The following WWC2 variants were observed in gnomAD, a reference collection of about 807,000 sequenced individuals.
The protein encoded by WWC2 is WW and C2 domain containing 2, also known as protein WWC2.
WWC2 carries 101 observed loss-of-function variants against 138.5 expected under a neutral mutation model. The observed-to-expected ratio is 0.73, with a 90% CI of 0.62 to 0.86. The LOEUF (loss-of-function observed/expected upper bound fraction) is 0.86. WWC2 is among the 40% of genes least tolerant of loss of function. The pLI is 0.00. For missense variants in WWC2, 1,420 were observed against 1,419.4 expected (o/e 1.00, Z -0.01); for synonymous variants, 558 against 538.4 (o/e 1.04, Z -0.50).
intron 14 of WWC2, among the ~76,000 whole-genome samples, chr4:183,266,786 A>T (rs1171311570): frequency 1.3e-5 from 2 of 152,222 alleles, no homozygotes; most frequent in Non-Finnish European, 2.9e-5. Flanking sequence ...AGAGCTGTTG[A>T]GGGGTGATCC....
chr4:183,314,486 G>A (rs954645470), intron 22 of WWC2, among the ~76,000 whole-genome samples: 1 of 152,218 alleles, frequency 6.6e-6, no homozygotes, highest in Non-Finnish European at 1.5e-5. Context: ...CGTGGGATTT[G>A]CACGGCTACC....
Position 183,171,862 on chromosome 4 carries a change from C to G in WWC2, c.132-21737C>G, listed in dbSNP as rs369114222. ...CTTCCCGCCCTGGTTGAGGATTCAG[C>G]TTTCTTACTGTGCCTTCCTCATGCA... is the stretch of plus-strand genomic sequence containing the variant. On this transcript the variant is annotated intron_variant, in intron 1 of 22. Transcript: ENST00000403733. Among the ~76,000 whole-genome samples, 3 of 152,162 alleles carry G rather than the reference C, an allele frequency of 2.0e-5. No homozygotes were observed. In the South Asian group the frequency reaches 6.2e-4, roughly 31 times the overall value.
intron 9 of WWC2, among the ~76,000 whole-genome samples, chr4:183,254,525 A>G (rs1249089223): frequency 2.0e-5 from 3 of 152,302 alleles, no homozygotes; most frequent in South Asian, 2.1e-4. Flanking sequence ...ACTCTAGGCA[A>G]TTTTCCCATC....
At chr4:183,264,947 C>T (rs553195280) in intron 11 of WWC2, 31 bp from the exon 12 acceptor site, 1 of 1,591,218 alleles carries the variant, frequency 6.3e-7, no homozygotes, top group South Asian at 1.2e-5. Context: ...ATAAGACATT[C>T]TGATTAGTGC....
Position 183,240,234 on chromosome 4 carries a change from A to G in WWC2, c.574A>G (p.Lys192Glu), listed in dbSNP as rs1052411834. Residue 192 changes from lysine to glutamate, a missense_variant, in exon 5 of 23, where the codon AAA becomes GAA. Transcript: ENST00000403733. ...ACAGATGAAGCAGGAACTGCTCTAT[A>G]AAGAACAAGGCTTTGAAACATTGCA... is the stretch of plus-strand genomic sequence containing the variant. ...LSQMKQELLY[K>E]EQGFETLQQI... 1.3e-6 allele frequency: 2 copies of G among 1,553,080 alleles called. No homozygotes were observed. The highest frequency in any genetic ancestry group is 1.2e-5 in the South Asian group (1 of 83,552).
At chr4:183,173,541 C>A (rs916570848) in intron 1 of WWC2, among the ~76,000 whole-genome samples, 2 of 151,990 alleles carry the variant, frequency 1.3e-5, no homozygotes, top group Non-Finnish European at 2.9e-5. Context: ...ACCATTCTGG[C>A]TCTTCACTCC....
chr4:183,181,917 T>C (rs1295608489), intron 1 of WWC2, among the ~76,000 whole-genome samples: 1 of 152,232 alleles, frequency 6.6e-6, no homozygotes, highest in African/African-American at 2.4e-5. Context: ...ATAATGAGAA[T>C]CTATTAACTG....
chr4:183,227,203 C>T (rs1343142323), intron 4 of WWC2, among the ~76,000 whole-genome samples: 1 of 152,018 alleles, frequency 6.6e-6, no homozygotes, highest in African/African-American at 2.4e-5. Flanking sequence ...GGAAAAAAAA[C>T]ATTGGGACCG....
chr4:183,113,531 C>T (rs563306859), intron 1 of WWC2, among the ~76,000 whole-genome samples: 78 of 148,642 alleles, frequency 5.2e-4, no homozygotes, highest in African/African-American at 1.5e-3. Flanking sequence ...CGCGTGCGCG[C>T]GCACATGCAC....
At chr4:183,125,421 T>A (rs999267673) in intron 1 of WWC2, among the ~76,000 whole-genome samples, 16 of 152,242 alleles carry the variant, frequency 1.1e-4, no homozygotes, top group Admixed American at 8.5e-4. Context: ...AAAATGAATG[T>A]TAAAAAGTTT....
At chr4:183,200,195 TATC>T (rs1042054735) in intron 2 of WWC2, among the ~76,000 whole-genome samples, 34 of 148,926 alleles carry the variant, frequency 2.3e-4, no homozygotes, top group African/African-American at 8.1e-4. Context: ...GATAGTTTAT[TATC>T]ATCATCATTA....
chr4:183,134,136 GTC>G (rs1733035945), intron 1 of WWC2, among the ~76,000 whole-genome samples: 1 of 151,620 alleles, frequency 6.6e-6, no homozygotes, highest in African/African-American at 2.4e-5. Flanking sequence ...AACATCTGTT[GTC>G]TCTCTTGCTT....
chr4:183,153,007 T>C, intron 1 of WWC2, among the ~76,000 whole-genome samples: 2 of 152,166 alleles, frequency 1.3e-5, no homozygotes, highest in African/African-American at 2.4e-5. Context: ...GTGATCCTCC[T>C]GTCTCAGCCT....
At chr4:183,248,573 T>G in intron 6 of WWC2, 141 bp from the exon 7 acceptor site, 1 of 799,542 alleles carries the variant, frequency 1.3e-6, no homozygotes. Context: ...TTTTTTCAAT[T>G]ATATAAAATG....
At chr4:183,255,159 A>G (rs1026172941) in intron 9 of WWC2, among the ~76,000 whole-genome samples, 1 of 152,198 alleles carries the variant, frequency 6.6e-6, no homozygotes, top group African/African-American at 2.4e-5. Flanking sequence ...CCTCTGAACT[A>G]TAATCTTCTG....
At chr4:183,141,884 T>C (rs1038327591) in intron 1 of WWC2, among the ~76,000 whole-genome samples, 3 of 152,230 alleles carry the variant, frequency 2.0e-5, no homozygotes, top group South Asian at 2.1e-4. Context: ...CTTGTAGCCA[T>C]GAATACTACA....
chr4:183,168,872 G>T (rs1186996582), intron 1 of WWC2, among the ~76,000 whole-genome samples: 7 of 151,664 alleles, frequency 4.6e-5, no homozygotes, highest in Non-Finnish European at 7.4e-5. Flanking sequence ...TTTTGAGACA[G>T]AGTTTCACTC....
chr4:183,168,570 T>C (rs1389749100), intron 1 of WWC2, among the ~76,000 whole-genome samples: 1 of 152,126 alleles, frequency 6.6e-6, no homozygotes. Context: ...ACCTTTCCTA[T>C]AGAGCTTTAT....
At chr4:183,240,339 A>G (rs1217356825) in intron 5 of WWC2, 77 bp downstream of exon 5, 1 of 1,150,886 alleles carries the variant, frequency 8.7e-7, no homozygotes, top group Non-Finnish European at 1.2e-6. Flanking sequence ...AGAAGTACAG[A>G]TTACATAAGC....
Sources: gnomAD v4.1 joint callset for allele counts (sites outside exome capture counted in the v4.1 genomes callset) on GRCh38, gnomAD v4.1.1 for gene constraint, MANE v1.5 for transcripts, NCBI Gene and HGNC (gene_info 2026-07-23, HGNC 2026-07-21) for gene names.